Variants in SASH1 observed in about 807,000 individuals in gnomAD.
SASH1 encodes SAM and SH3 domain containing 1, also known as SAM and SH3 domain-containing protein 1.
Under a neutral mutation model 125.2 loss-of-function variants are expected in SASH1, and 44 were observed. The ratio of observed to expected loss-of-function variants is 0.35; its 90% CI spans 0.28 to 0.45. The LOEUF (loss-of-function observed/expected upper bound fraction) is 0.45. SASH1 is among the 20% of genes least tolerant of loss of function. SASH1 has a pLI of 1.00. For synonymous variants in SASH1, 639 were observed against 649.1 expected (o/e 0.98, Z 0.24); for missense variants, 1,426 against 1,614.5 (o/e 0.88, Z 2.00).
At chr6:148,298,712 A>AGGAAGGAAGGAAGGAAGGAAGGAAGGAAG (rs369219222) in intron 1 of SASH1, among the ~76,000 whole-genome samples, 1 of 58,770 alleles carries the variant, frequency 1.7e-5, no homozygotes, top group Non-Finnish European at 3.5e-5. Flanking sequence ...GAAGGAAGGA[A>AGGAAGGAAGGAAGGAAGGAAGGAAGGAAG]GAAGGAAGGG....
intron 2 of SASH1, among the ~76,000 whole-genome samples, chr6:148,402,625 TTTTTTTGG>T: frequency 7.3e-6 from 1 of 137,030 alleles, no homozygotes; most frequent in Non-Finnish European, 1.6e-5. Context: ...GACATTTTTT[TTTTTTTGG>T]AGACAGAGTC....
At chr6:148,494,157 T>G (rs1779219465) in intron 8 of SASH1, among the ~76,000 whole-genome samples, 1 of 152,194 alleles carries the variant, frequency 6.6e-6, no homozygotes, top group Admixed American at 6.5e-5. Context: ...TACTTGAATA[T>G]TAACAAAAAT....
At chr6:148,262,863 G>T in the SASH1 span, among the ~76,000 whole-genome samples, 3 of 152,166 alleles carry the variant, frequency 2.0e-5, no homozygotes, top group Non-Finnish European at 4.4e-5. Context: ...ACAAGAGTAA[G>T]ACTCTGTCTC....
At chr6:148,354,571 A>G (rs1313204730) in intron 1 of SASH1, among the ~76,000 whole-genome samples, 1 of 151,976 alleles carries the variant, frequency 6.6e-6, no homozygotes, top group Non-Finnish European at 1.5e-5. Flanking sequence ...CTCATTCTGC[A>G]TCTTTGAGCT....
chr6:148,543,837 T>G lies in SASH1; in HGVS notation c.2367T>G (p.Gly789=). The change falls in exon 18 of 20, where the codon GGT becomes GGG. Residue 789 remains glycine (G), a synonymous_variant. Transcript: ENST00000367467. ...KQGQEEGRLG[G]GLAPDTSKSC... The stretch of plus-strand genomic sequence containing the variant: ...GACAGGAGGAGGGCAGGCTGGGTGG[T>G]GGCCTTGCCCCAGACACGTCCAAGA... The G allele has an allele frequency of 6.2e-7, 1 of 1,614,124 alleles. No individual in the cohort carries two copies. The highest frequency in any genetic ancestry group is 8.5e-7 in the Non-Finnish European group (1 of 1,180,022).
chr6:148,445,899 C>G (rs767787048), intron 4 of SASH1, among the ~76,000 whole-genome samples: 4 of 151,974 alleles, frequency 2.6e-5, no homozygotes, highest in Non-Finnish European at 4.4e-5. Context: ...AGAACTGTCA[C>G]GAGCTTACGT....
intron 1 of SASH1, among the ~76,000 whole-genome samples, chr6:148,346,711 A>G (rs1170003055): frequency 1.3e-5 from 2 of 152,218 alleles, no homozygotes; most frequent in Non-Finnish European, 2.9e-5. Flanking sequence ...TTACATTTAT[A>G]AAGATGTGAA....
chr6:148,546,188 G>A (rs749286149), intron 19 of SASH1, 42 bp downstream of exon 19: 2 of 1,603,964 alleles, frequency 1.2e-6, no homozygotes, highest in Non-Finnish European at 1.7e-6. Context: ...GGCACATTTA[G>A]TGATCACGCT....
At chr6:148,197,125 G>A in the SASH1 span, among the ~76,000 whole-genome samples, 60 of 152,304 alleles carry the variant, frequency 3.9e-4, no homozygotes, top group African/African-American at 1.3e-3. Flanking sequence ...GATAAAGGCA[G>A]CATTTAGGGA....
intron 8 of SASH1, among the ~76,000 whole-genome samples, chr6:148,491,005 G>C (rs1312830454): frequency 6.6e-6 from 1 of 152,058 alleles, no homozygotes; most frequent in African/African-American, 2.4e-5. Context: ...GTTTTTCAAG[G>C]TGGAGTCCAA....
intron 1 of SASH1, among the ~76,000 whole-genome samples, chr6:148,286,242 A>G (rs922166993): frequency 6.6e-6 from 1 of 152,070 alleles, no homozygotes; most frequent in Non-Finnish European, 1.5e-5. Flanking sequence ...TAATTTTTAA[A>G]ATAATTCCAT....
chr6:148,527,553 GA>G lies in SASH1; in HGVS notation c.1388del (p.Lys463ArgfsTer46). The G allele has an allele frequency of 6.2e-7, 1 of 1,610,990 alleles. No individual in the cohort carries two copies. Among genetic ancestry groups the G allele is most frequent in the Non-Finnish European group, 8.5e-7 (1 of 1,179,148 alleles). ...KKVKSVKETM[R>X]KRMSKKYSSS... is the part of the protein sequence containing the mutation. Reference sequence around the variant, plus strand: ...GTGAAATCAGTGAAAGAGACGATGAGAAAGAGAATGTCTAAAAAATACAGCA... The same window carrying G: ...GTGAAATCAGTGAAAGAGACGATGAGAAGAGAATGTCTAAAAAATACAGCA... On this transcript the variant is annotated frameshift_variant, in exon 12 of 20. Coordinates refer to ENST00000367467, the MANE Select transcript of SASH1 (RefSeq NM_015278.5). LOFTEE classifies it high-confidence loss of function.
At chr6:148,341,086 G>A (rs190836653), upstream of SASH1, among the ~76,000 whole-genome samples, 689 of 152,242 alleles carry the variant, frequency 4.5e-3, 23 homozygotes, top group Admixed American at 0.042. Context: ...AGTGAGCTAC[G>A]ATTGCAGCAC....
chr6:148,423,695 C>T (rs1451368140), intron 2 of SASH1, among the ~76,000 whole-genome samples: 1 of 152,138 alleles, frequency 6.6e-6, no homozygotes, highest in Non-Finnish European at 1.5e-5. Flanking sequence ...ACTGCGAGCT[C>T]TTGAAGGTCA....
chr6:148,352,590 C>T (rs1380843273), intron 1 of SASH1, among the ~76,000 whole-genome samples: 1 of 140,092 alleles, frequency 7.1e-6, no homozygotes, highest in Non-Finnish European at 1.5e-5. Flanking sequence ...GAGTGAGACT[C>T]CTTCTTATAA....
intron 8 of SASH1, among the ~76,000 whole-genome samples, chr6:148,507,145 G>C (rs73015025): frequency 6.6e-6 from 1 of 152,134 alleles, no homozygotes; most frequent in Non-Finnish European, 1.5e-5. Context: ...ATTCAATAAA[G>C]GTTGGGAGGA....
chr6:148,476,426 T>G (rs905458239), intron 7 of SASH1, among the ~76,000 whole-genome samples: 2 of 151,970 alleles, frequency 1.3e-5, no homozygotes, highest in Admixed American at 6.6e-5. Context: ...TTAGAAGAAA[T>G]GATCTTACAC....
At chr6:148,288,303 G>A (rs9485266) in intron 1 of SASH1, among the ~76,000 whole-genome samples, 2,636 of 152,292 alleles carry the variant, frequency 0.017, 70 homozygotes, top group African/African-American at 0.061. Flanking sequence ...CCTCATTACC[G>A]TCTCCTACAG....
intron 2 of SASH1, among the ~76,000 whole-genome samples, chr6:148,429,723 A>G (rs957798997): frequency 9.2e-5 from 14 of 152,024 alleles, no homozygotes; most frequent in Non-Finnish European, 1.8e-4. Context: ...AGCCTGGGCG[A>G]CAGAGCAAGA....
Sources: gnomAD v4.1 joint callset for allele counts (sites outside exome capture counted in the v4.1 genomes callset) on GRCh38, gnomAD v4.1.1 for gene constraint, MANE v1.5 for transcripts, NCBI Gene and HGNC (gene_info 2026-07-23, HGNC 2026-07-21) for gene names.